Variants in GLI3 observed in about 807,000 individuals in gnomAD.
The protein encoded by GLI3 is transcription activator GLI3.
GLI3 carries 20 observed loss-of-function variants against 100.8 expected under a neutral mutation model. The ratio of observed to expected loss-of-function variants is 0.20; its 90% CI spans 0.14 to 0.29. GLI3 has a LOEUF of 0.29. Ranked by LOEUF, GLI3 falls within the 10% of genes least tolerant of loss-of-function variation. The probability of loss-of-function intolerance (pLI) is 1.00; values close to 1 mark genes in which losing one functional copy is unlikely to be tolerated. For missense variants in GLI3, 2,040 were observed against 2,128.5 expected (o/e 0.96, Z 0.82); for synonymous variants, 938 against 860.5 (o/e 1.09, Z -1.58).
At chr7:42,108,538 T>G (rs1372872237) in intron 3 of GLI3, among the ~76,000 whole-genome samples, 1 of 152,104 alleles carries the variant, frequency 6.6e-6, no homozygotes, top group Non-Finnish European at 1.5e-5. Context: ...TTTAGCCCCT[T>G]ATTTCTGTCC....
chr7:41,964,852 T>A lies in GLI3; in HGVS notation c.4221A>T (p.Gly1407=), dbSNP rs746332697. 4 of 1,613,954 alleles carry A rather than the reference T, an allele frequency of 2.5e-6. No homozygotes were observed. The highest frequency in any genetic ancestry group is 2.5e-6 in the Non-Finnish European group (3 of 1,180,038). Residue 1407 remains glycine, a synonymous_variant, in exon 15 of 15, where the codon GGA becomes GGT. Coordinates refer to ENST00000395925, the MANE Select transcript of GLI3 (RefSeq NM_000168.6). ...MPRDSLALQS[G]QLSDTSQTCR... ...AGGTCTGACTTGTGTCACTGAGCTG[T>A]CCTGACTGCAGAGCAAGGCTGTCCC... is the stretch of plus-strand genomic sequence containing the variant.
At chr7:42,167,260 G>A (rs773730658) in intron 2 of GLI3, among the ~76,000 whole-genome samples, 3 of 152,124 alleles carry the variant, frequency 2.0e-5, no homozygotes, top group Non-Finnish European at 2.9e-5. Context: ...CAATGGGAAC[G>A]AAAATAAACA....
At chr7:42,250,386 G>A (rs1417700628) in intron 1 of GLI3, among the ~76,000 whole-genome samples, 2 of 152,226 alleles carry the variant, frequency 1.3e-5, no homozygotes, top group African/African-American at 4.8e-5. Flanking sequence ...AAGGCAAGAA[G>A]AAGAGAACTT....
At chr7:42,131,945 A>G (rs17172016) in intron 3 of GLI3, among the ~76,000 whole-genome samples, 21,451 of 152,116 alleles carry the variant, frequency 0.14, 3,134 homozygotes, top group African/African-American at 0.37. Context: ...ATATAAGCAC[A>G]TTCTGGAGTT....
At chr7:42,259,989 TG>T (rs758442068) in intron 1 of GLI3, among the ~76,000 whole-genome samples, 11 of 152,264 alleles carry the variant, frequency 7.2e-5, no homozygotes, top group Non-Finnish European at 1.5e-4. Flanking sequence ...GACTGTAGTT[TG>T]GTTCTGTGTA....
chr7:42,214,855 T>A (rs1231050889), intron 2 of GLI3, among the ~76,000 whole-genome samples: 1 of 130,028 alleles, frequency 7.7e-6, no homozygotes. Flanking sequence ...GTACATTCAC[T>A]GGATGCTAAA....
At chr7:42,066,904 C>G (rs770035682) in intron 4 of GLI3, among the ~76,000 whole-genome samples, 3 of 152,194 alleles carry the variant, frequency 2.0e-5, no homozygotes, top group Non-Finnish European at 2.9e-5. Flanking sequence ...CTCTTGACTA[C>G]TTCCTTTAAG....
At chr7:42,034,796 G>A (rs1789393435) in intron 7 of GLI3, among the ~76,000 whole-genome samples, 2 of 151,952 alleles carry the variant, frequency 1.3e-5, no homozygotes, top group Admixed American at 1.3e-4. Context: ...CAGCTCCTTT[G>A]CTCCTTTGTT....
intron 3 of GLI3, among the ~76,000 whole-genome samples, chr7:42,098,193 G>A (rs1785382627): frequency 1.3e-5 from 2 of 152,148 alleles, no homozygotes; most frequent in South Asian, 2.1e-4. Flanking sequence ...AGGAATCAAT[G>A]TGGATGTACT....
chr7:42,018,507 T>G (rs1313961410), intron 10 of GLI3, among the ~76,000 whole-genome samples: 1 of 152,236 alleles, frequency 6.6e-6, no homozygotes, highest in Non-Finnish European at 1.5e-5. Flanking sequence ...ATCACGGTAT[T>G]AATGTGAAAA....
chr7:42,226,004 C>T (rs916219434), intron 1 of GLI3, among the ~76,000 whole-genome samples: 1 of 152,182 alleles, frequency 6.6e-6, no homozygotes, highest in African/African-American at 2.4e-5. Flanking sequence ...TTTCAATCAC[C>T]ACTGGTTTAG....
chr7:42,246,832 T>C (rs1311147079), intron 1 of GLI3, among the ~76,000 whole-genome samples: 1 of 137,348 alleles, frequency 7.3e-6, no homozygotes, highest in Non-Finnish European at 1.5e-5. Flanking sequence ...TTTTTTTTTT[T>C]TTGAGGGACG....
At chr7:42,192,047 A>G (rs1583636009) in intron 2 of GLI3, among the ~76,000 whole-genome samples, 1 of 152,232 alleles carries the variant, frequency 6.6e-6, no homozygotes, top group Non-Finnish European at 1.5e-5. Context: ...CAGAAAAAAA[A>G]AATCCTATTT....
intron 2 of GLI3, among the ~76,000 whole-genome samples, chr7:42,185,017 A>G (rs1292455569): frequency 6.6e-6 from 1 of 152,108 alleles, no homozygotes; most frequent in African/African-American, 2.4e-5. Context: ...CTCCTGGGAA[A>G]TGCAACCTGC....
chr7:42,092,611 G>A (rs1015661220), intron 3 of GLI3, among the ~76,000 whole-genome samples: 11 of 152,128 alleles, frequency 7.2e-5, no homozygotes, highest in Non-Finnish European at 8.8e-5. Context: ...GCCATCTGTC[G>A]CACAGCAGGC....
chr7:42,057,647 A>G (rs2128745784), intron 4 of GLI3, among the ~76,000 whole-genome samples: 1 of 152,350 alleles, frequency 6.6e-6, no homozygotes, highest in Middle Eastern at 3.4e-3. Context: ...ACAAACTACA[A>G]CATAAAAAAT....
intron 10 of GLI3, among the ~76,000 whole-genome samples, chr7:41,991,190 T>A (rs1303907784): frequency 1.3e-5 from 2 of 152,190 alleles, no homozygotes; most frequent in African/African-American, 2.4e-5. Flanking sequence ...TAGCCTTCAA[T>A]GCACGGACAC....
intron 1 of GLI3, among the ~76,000 whole-genome samples, chr7:42,235,300 C>G (rs1031384173): frequency 6.6e-6 from 1 of 152,118 alleles, no homozygotes; most frequent in African/African-American, 2.4e-5. Context: ...TACTTTAGGT[C>G]AATTCTTGTA....
At chr7:42,149,810 T>A (rs1022142771) in intron 2 of GLI3, among the ~76,000 whole-genome samples, 2 of 152,354 alleles carry the variant, frequency 1.3e-5, no homozygotes, top group Admixed American at 6.5e-5. Flanking sequence ...GCTCCCCCAA[T>A]AAACATAAGA....
Sources: allele counts gnomAD v4.1 joint callset (sites outside exome capture counted in the v4.1 genomes callset), GRCh38; gene constraint gnomAD v4.1.1; transcripts MANE v1.5; gene names NCBI Gene and HGNC (gene_info 2026-07-23, HGNC 2026-07-21).